Variants in ATP6V1H observed in about 807,000 individuals in gnomAD.
The protein encoded by ATP6V1H is V-type proton ATPase subunit H.
ATP6V1H carries 39 observed loss-of-function variants against 71.7 expected under a neutral mutation model. That is an observed-to-expected ratio of 0.54 (90% CI 0.42 to 0.71). The LOEUF (loss-of-function observed/expected upper bound fraction) is 0.71. Ranked by LOEUF, ATP6V1H falls within the 30% of genes least tolerant of loss-of-function variation. The pLI is 0.00. For missense variants in ATP6V1H, 509 were observed against 594.9 expected, an observed-to-expected ratio of 0.86 and a Z score of 1.50; for synonymous variants, 192 against 199.3, an observed-to-expected ratio of 0.96 and a Z score of 0.31.
At chr8:53,782,357 T>C (rs1809180732) in intron 9 of ATP6V1H, among the ~76,000 whole-genome samples, 1 of 152,074 alleles carries the variant, frequency 6.6e-6, no homozygotes, top group Non-Finnish European at 1.5e-5. Context: ...GTTACTGGTG[T>C]ATAGGAATGC....
chr8:53,814,601 A>T, intron 6 of ATP6V1H, 61 bp downstream of exon 6: 1 of 924,614 alleles, frequency 1.1e-6, no homozygotes, highest in Non-Finnish European at 1.7e-6. Flanking sequence ...TACTATAAAT[A>T]GCTTAAAAGA....
intron 12 of ATP6V1H, among the ~76,000 whole-genome samples, chr8:53,755,907 G>A (rs549172575): frequency 3.0e-5 from 4 of 131,902 alleles, no homozygotes; most frequent in South Asian, 5.1e-4. Context: ...ACAGGCGCCC[G>A]CCACTACGCC....
intron 6 of ATP6V1H, among the ~76,000 whole-genome samples, chr8:53,812,517 A>G (rs1401798990): frequency 6.6e-6 from 1 of 152,228 alleles, no homozygotes; most frequent in African/African-American, 2.4e-5. Flanking sequence ...TGAGAGGCAC[A>G]ATGTATCTGT....
chr8:53,805,187 A>G (rs1456054324), intron 7 of ATP6V1H, among the ~76,000 whole-genome samples: 1 of 152,236 alleles, frequency 6.6e-6, no homozygotes, highest in Non-Finnish European at 1.5e-5. Flanking sequence ...TAAAGACCGT[A>G]TTCATCTACA....
chr8:53,737,507 G>C (rs1807260611), intron 13 of ATP6V1H, among the ~76,000 whole-genome samples: 1 of 152,176 alleles, frequency 6.6e-6, no homozygotes, highest in African/African-American at 2.4e-5. Context: ...TTTCATTTCA[G>C]GCTTCTAAAT....
chr8:53,776,495 T>A (rs1405509843), intron 9 of ATP6V1H, among the ~76,000 whole-genome samples: 1 of 152,148 alleles, frequency 6.6e-6, no homozygotes, highest in Non-Finnish European at 1.5e-5. Flanking sequence ...CAGCTACATC[T>A]AAAAGAACTG....
At chr8:53,799,186 CTACTGGACTCTTTTATAAACCA>C (rs1809835433) in intron 8 of ATP6V1H, among the ~76,000 whole-genome samples, 2 of 152,038 alleles carry the variant, frequency 1.3e-5, no homozygotes, top group African/African-American at 4.8e-5. Context: ...CCAAACAATT[CTACTGGACTCTTTTATAAACCA>C]CATATTATTG....
intron 12 of ATP6V1H, among the ~76,000 whole-genome samples, chr8:53,747,874 G>T (rs986831081): frequency 6.6e-6 from 1 of 152,116 alleles, no homozygotes; most frequent in African/African-American, 2.4e-5. Context: ...TGGTGGGAGA[G>T]GCCAGGCTCT....
chr8:53,769,852 C>T, intron 10 of ATP6V1H, 109 bp from the exon 11 acceptor site: 2 of 925,714 alleles, frequency 2.2e-6, no homozygotes, highest in Non-Finnish European at 3.1e-6. Context: ...GACTGACCAT[C>T]CTTTGTACAT....
intron 9 of ATP6V1H, among the ~76,000 whole-genome samples, chr8:53,788,574 C>G (rs1473596602): frequency 1.3e-5 from 2 of 152,158 alleles, no homozygotes; most frequent in Non-Finnish European, 2.9e-5. Flanking sequence ...TGTATATTTA[C>G]TATTGCAGAC....
At chr8:53,781,780 C>A (rs551370416) in intron 9 of ATP6V1H, among the ~76,000 whole-genome samples, 4 of 151,976 alleles carry the variant, frequency 2.6e-5, no homozygotes, top group Admixed American at 2.0e-4. Flanking sequence ...TTTCCCAGCA[C>A]CATTTATTAA....
intron 7 of ATP6V1H, chr8:53,806,722 C>G (rs1810088393): frequency 2.6e-6 from 1 of 384,366 alleles, no homozygotes; most frequent in South Asian, 2.0e-5. Flanking sequence ...AAAAGAAAGT[C>G]TTAAATTTAA....
intron 9 of ATP6V1H, among the ~76,000 whole-genome samples, chr8:53,775,716 G>A (rs571476380): frequency 3.3e-5 from 5 of 151,964 alleles, no homozygotes; most frequent in African/African-American, 9.7e-5. Context: ...ACAGAGTGTC[G>A]ATTGGTGCAC....
intron 11 of ATP6V1H, among the ~76,000 whole-genome samples, chr8:53,758,110 T>C (rs1014997952): frequency 1.8e-4 from 27 of 152,240 alleles, no homozygotes; most frequent in African/African-American, 6.0e-4. Context: ...CATATATCTA[T>C]TAATATTTTT....
At chr8:53,744,259 AAGG>A (rs575071937) in intron 12 of ATP6V1H, among the ~76,000 whole-genome samples, 154 of 152,212 alleles carry the variant, frequency 1.0e-3, no homozygotes, top group African/African-American at 3.4e-3. Flanking sequence ...CAGTGAGACG[AAGG>A]AGAACATTCA....
chr8:53,782,769 C>T (rs1203842477), intron 9 of ATP6V1H, among the ~76,000 whole-genome samples: 1 of 152,102 alleles, frequency 6.6e-6, no homozygotes, highest in Non-Finnish European at 1.5e-5. Flanking sequence ...TGAATTTTGT[C>T]AAAGGCCTTT....
intron 6 of ATP6V1H, among the ~76,000 whole-genome samples, chr8:53,813,503 C>T (rs750729280): frequency 6.6e-6 from 1 of 152,104 alleles, no homozygotes; most frequent in Non-Finnish European, 1.5e-5. Context: ...TCTCCTGGTC[C>T]CATTCCTCCT....
At chr8:53,755,403 C>T (rs529091241) in intron 12 of ATP6V1H, among the ~76,000 whole-genome samples, 1 of 149,014 alleles carries the variant, frequency 6.7e-6, no homozygotes, top group African/African-American at 2.5e-5. Context: ...GCAAAACTTA[C>T]AGAAATCCAT....
chr8:53,816,185 G>A (rs538843756), intron 5 of ATP6V1H, among the ~76,000 whole-genome samples: 1 of 152,258 alleles, frequency 6.6e-6, no homozygotes, highest in African/African-American at 2.4e-5. Context: ...TATACTATAT[G>A]AATACAATAT....
Sources: gnomAD v4.1 joint callset for allele counts (sites outside exome capture counted in the v4.1 genomes callset) on GRCh38, gnomAD v4.1.1 for gene constraint, MANE v1.5 for transcripts, NCBI Gene and HGNC (gene_info 2026-07-23, HGNC 2026-07-21) for gene names.